Variants in ITGB1 observed in about 807,000 individuals in gnomAD.
The protein encoded by ITGB1 is integrin subunit beta 1, also known as integrin beta-1.
Under a neutral mutation model 86.5 loss-of-function variants are expected in ITGB1, and 24 were observed. That is an observed-to-expected ratio of 0.28 (90% confidence interval 0.20 to 0.39). The LOEUF is 0.39. Ranked by LOEUF, ITGB1 falls within the 10% of genes least tolerant of loss-of-function variation. ITGB1 has a pLI of 1.00. For missense variants in ITGB1, 556 were observed against 946.9 expected (o/e 0.59, Z 5.42); for synonymous variants, 323 against 316.8 (o/e 1.02, Z -0.21).
intron 15 of ITGB1, among the ~76,000 whole-genome samples, chr10:32,907,365 G>C (rs2094899650): frequency 1.3e-5 from 2 of 152,042 alleles, no homozygotes; most frequent in African/African-American, 2.4e-5. Flanking sequence ...TTGCTTTCTT[G>C]TATCAAAAGA....
At chr10:32,953,980 T>C (rs2095047527) in intron 1 of ITGB1, among the ~76,000 whole-genome samples, 1 of 152,118 alleles carries the variant, frequency 6.6e-6, no homozygotes, top group Non-Finnish European at 1.5e-5. Flanking sequence ...CTTTTCTAGA[T>C]TCCTCTTCCT....
intron 1 of ITGB1, among the ~76,000 whole-genome samples, chr10:32,937,309 G>A (rs146103495): frequency 0.018 from 2,737 of 152,288 alleles, 81 homozygotes; most frequent in African/African-American, 0.061. Flanking sequence ...CTGTAATCCA[G>A]CACTTTGGGA....
At chr10:32,942,513 G>A (rs1007455862) in intron 1 of ITGB1, among the ~76,000 whole-genome samples, 32 of 152,150 alleles carry the variant, frequency 2.1e-4, no homozygotes, top group African/African-American at 7.2e-4. Context: ...GGGCCTGGGT[G>A]TATCTTATTT....
chr10:32,912,200 C>T, intron 11 of ITGB1, 76 bp from the exon 12 acceptor site: 1 of 1,178,906 alleles, frequency 8.5e-7, no homozygotes, highest in African/African-American at 1.5e-5. Context: ...CAAACAGGAA[C>T]AGCTCTAGTC....
In ITGB1 at chr10:32,929,941, G is replaced by A; in HGVS notation, c.257C>T (p.Ser86Phe). ...PPDDIENPRG[S>F]KDIKKNKNVT... ...ATTTTTATTTTTCTTTATATCTTTG[G>A]AGCCTCTGGGATTTTCTATGTCATC... Residue 86 changes from serine (S) to phenylalanine (F), a missense_variant, in exon 4 of 16, where the codon TCC becomes TTC. Physicochemically the swap from Ser to Phe is radical, Grantham distance 155. This residue lies in a region of ITGB1 where 183 missense variants were observed against 263.9 expected (regional missense o/e 0.69). Transcript: ENST00000302278. The A allele has an allele frequency of 6.5e-7, 1 of 1,533,966 alleles. No individual in the cohort carries two copies. The highest frequency in any genetic ancestry group is 1.1e-5 in the South Asian group (1 of 89,484).
At chr10:32,902,423 A>C (rs1177258254) in intron 15 of ITGB1, among the ~76,000 whole-genome samples, 1 of 152,220 alleles carries the variant, frequency 6.6e-6, no homozygotes, top group Admixed American at 6.5e-5. Context: ...TTCCTTAAAA[A>C]TTCTCTTATA....
At chr10:32,942,843 C>T (rs1304850974) in intron 1 of ITGB1, among the ~76,000 whole-genome samples, 1 of 151,938 alleles carries the variant, frequency 6.6e-6, no homozygotes, top group Non-Finnish European at 1.5e-5. Context: ...AGCCATCATG[C>T]CCACCTAGAG....
chr10:32,919,849 T>C (rs1026236432), intron 11 of ITGB1, 36 bp downstream of exon 11: 3 of 1,580,554 alleles, frequency 1.9e-6, no homozygotes, highest in East Asian at 2.2e-5. Context: ...TCTAAACCAA[T>C]GTAGCTCTGT....
intron 11 of ITGB1, among the ~76,000 whole-genome samples, chr10:32,912,816 G>A (rs537583387): frequency 1.3e-5 from 2 of 152,262 alleles, no homozygotes; most frequent in African/African-American, 4.8e-5. Context: ...GAGAGTAGTG[G>A]TTCTCCCAGC....
At chr10:32,941,758 C>T (rs536273489) in intron 1 of ITGB1, among the ~76,000 whole-genome samples, 10 of 152,052 alleles carry the variant, frequency 6.6e-5, no homozygotes, top group South Asian at 4.2e-4. Flanking sequence ...AACAAGAAGA[C>T]GAACAAACAA....
At chr10:32,941,755 A>C (rs1023057228) in intron 1 of ITGB1, among the ~76,000 whole-genome samples, 6 of 152,226 alleles carry the variant, frequency 3.9e-5, no homozygotes, top group African/African-American at 1.2e-4. Context: ...ACAAACAAGA[A>C]GACGAACAAA....
intron 2 of ITGB1, 188 bp from the exon 3 acceptor site, chr10:32,932,788 A>T (rs2094988075): frequency 2.0e-6 from 1 of 493,282 alleles, no homozygotes; most frequent in African/African-American, 2.0e-5. Flanking sequence ...TTTTGTGGGT[A>T]AATAGGTGTA....
chr10:32,953,444 T>G (rs568423372), intron 1 of ITGB1: 1 of 152,180 alleles, frequency 6.6e-6, no homozygotes, highest in Non-Finnish European at 1.5e-5. Context: ...ACAGCCAAGC[T>G]ACATCCTGAT....
intron 1 of ITGB1, among the ~76,000 whole-genome samples, chr10:32,949,353 T>C (rs991987635): frequency 2.6e-5 from 4 of 152,184 alleles, no homozygotes; most frequent in Non-Finnish European, 4.4e-5. Flanking sequence ...TGTAATTTTT[T>C]CAAAGCCTAC....
rs201738777 is a variant in ITGB1, at chr10:32,908,505, T to C, written c.2194A>G (p.Ile732Val). The stretch of plus-strand genomic sequence containing the variant: ...ATTCCAGCAACCACACCAGCTACAA[T>C]TGGAATGATGTCTGGACCAGTGGGA... Reference protein sequence around the residue: ...ECPTGPDIIPIVAGVVAGIVL... With the variant: ...ECPTGPDIIPVVAGVVAGIVL... The change falls in exon 15 of 16, where the codon ATT becomes GTT. Residue 732 changes from isoleucine (I) to valine (V), a missense_variant. Coordinates refer to ENST00000302278, the MANE Select transcript of ITGB1 (RefSeq NM_002211.4). 1.1e-5 allele frequency: 18 copies of C among 1,613,674 alleles called. No individual in the cohort carries two copies. Among genetic ancestry groups the C allele is most frequent in the Non-Finnish European group, 1.4e-5 (16 of 1,179,848 alleles).
intron 1 of ITGB1, among the ~76,000 whole-genome samples, chr10:32,954,757 A>G (rs1300933070): frequency 2.6e-5 from 4 of 152,176 alleles, no homozygotes; most frequent in South Asian, 2.1e-4. Context: ...GTGTATATAC[A>G]TATGTATGTG....
Position 32,925,898 on chromosome 10 carries a change from A to C in ITGB1, c.759T>G (p.Asp253Glu). 4.3e-6 allele frequency: 7 copies of C among 1,613,554 alleles called. No individual in the cohort carries two copies. The highest frequency in any genetic ancestry group is 5.9e-6 in the Non-Finnish European group (7 of 1,179,448). The change falls in exon 6 of 16, where the codon GAT (aspartate) becomes GAG (glutamate). Residue 253 changes from aspartate to glutamate, a missense_variant. Coordinates refer to ENST00000302278, the MANE Select transcript of ITGB1 (RefSeq NM_002211.4). ...GNLDSPEGGF[D>E]AIMQVAVCGS... ...CACAAACTGCAACTTGCATGATGGC[A>C]TCGAAACCACCTTCTGGAGAATCCA... is the stretch of plus-strand genomic sequence containing the variant.
chr10:32,906,900 C>T (rs111449654), intron 15 of ITGB1, among the ~76,000 whole-genome samples: 8 of 152,096 alleles, frequency 5.3e-5, no homozygotes, highest in Non-Finnish European at 1.0e-4. Flanking sequence ...ACTTATTTTA[C>T]GGTCTTTCTA....
At chr10:32,930,238 A>G (rs2094979001) in intron 3 of ITGB1, among the ~76,000 whole-genome samples, 194 bp from the exon 4 acceptor site, 1 of 152,242 alleles carries the variant, frequency 6.6e-6, no homozygotes, top group Non-Finnish European at 1.5e-5. Flanking sequence ...ATCATTTCCA[A>G]GAAAGTAATA....
Sources: gnomAD v4.1 joint callset for allele counts (sites outside exome capture counted in the v4.1 genomes callset) on GRCh38, gnomAD v4.1.1 for gene constraint, gnomAD v4.1.1 regional missense constraint, MANE v1.5 for transcripts, NCBI Gene and HGNC (gene_info 2026-07-23, HGNC 2026-07-21) for gene names.